Variants in NCALD observed in about 807,000 individuals in gnomAD.
NCALD encodes the protein neurocalcin-delta.
In NCALD, 10 loss-of-function variants were observed where a neutral mutation model predicts 18.6. The ratio of observed to expected loss-of-function variants is 0.54; its 90% CI spans 0.33 to 0.91. The LOEUF is 0.91. NCALD is among the 40% of genes least tolerant of loss of function. NCALD has a pLI of 0.03. For synonymous variants in NCALD, 88 were observed against 87.4 expected (o/e 1.01, Z -0.04); for missense variants, 184 against 247.6 (o/e 0.74, Z 1.72).
intron 4 of NCALD, among the ~76,000 whole-genome samples, chr8:101,814,492 T>C (rs1813421064): frequency 6.6e-6 from 1 of 152,042 alleles, no homozygotes; most frequent in Non-Finnish European, 1.5e-5. Context: ...TGTTCCTAAC[T>C]TGACAAAGAA....
chr8:102,101,393 C>T (rs1825277090), intron 1 of NCALD, among the ~76,000 whole-genome samples: 1 of 152,186 alleles, frequency 6.6e-6, no homozygotes, highest in African/African-American at 2.4e-5. Flanking sequence ...TGTCTGCAGG[C>T]CTCTAGTGGA....
At chr8:101,786,639 T>A (rs1650627342) in intron 1 of NCALD, among the ~76,000 whole-genome samples, 2 of 152,156 alleles carry the variant, frequency 1.3e-5, no homozygotes, top group Non-Finnish European at 2.9e-5. Context: ...CTTAAATTCA[T>A]TAAAGCAAAC....
rs145681941 is a variant in NCALD at position 102,019,243 on chromosome 8, T to TAA, written c.-157+992_-157+993dup. ...TACATACCCACCAGAAGAGCTTAACTAAAAAAACAAAAACAGAAAACACCT... is the reference window on the plus strand; with the variant it reads ...TACATACCCACCAGAAGAGCTTAACTAAAAAAAAACAAAAACAGAAAACACCT... On this transcript the variant is annotated intron_variant, in intron 2 of 6. Coordinates refer to the NCALD transcript ENST00000311028. 1.9e-4 allele frequency among the ~76,000 whole-genome samples: 29 copies of TAA among 152,032 alleles called. No individual in the cohort carries two copies. In the East Asian group the frequency reaches 5.2e-3, roughly 27 times the overall value.
intron 1 of NCALD, among the ~76,000 whole-genome samples, chr8:101,731,319 G>C (rs1816822932): frequency 6.6e-6 from 1 of 152,182 alleles, no homozygotes; most frequent in Admixed American, 6.5e-5. Flanking sequence ...CTGAGCCAGT[G>C]CAGGGTTTTT....
intron 1 of NCALD, among the ~76,000 whole-genome samples, chr8:102,108,673 T>C (rs1370367895): frequency 6.6e-6 from 1 of 152,112 alleles, no homozygotes; most frequent in Non-Finnish European, 1.5e-5. Flanking sequence ...GAAAAGTGTT[T>C]TTTTCACCTT....
chr8:101,714,717 C>CATCATGCTA (rs1554611560), intron 2 of NCALD, among the ~76,000 whole-genome samples: 8 of 151,668 alleles, frequency 5.3e-5, no homozygotes, highest in African/African-American at 1.7e-4. Context: ...AAGCTGGGGG[C>CATCATGCTA]CGGGCACGGT....
At chr8:101,892,688 A>C (rs1414371162) in intron 3 of NCALD, among the ~76,000 whole-genome samples, 2 of 150,580 alleles carry the variant, frequency 1.3e-5, no homozygotes, top group Non-Finnish European at 2.9e-5. Context: ...GAAGCTGAAA[A>C]CCAAGGCTCG....
chr8:101,788,392 T>C (rs1251265997), intron 1 of NCALD, among the ~76,000 whole-genome samples: 1 of 152,232 alleles, frequency 6.6e-6, no homozygotes, highest in African/African-American at 2.4e-5. Context: ...CCTGTGATAT[T>C]GTTGCCAAGA....
In NCALD at chr8:102,075,839, G is replaced by A. The variant is rs143154040; in HGVS notation, c.-210+48398C>T. On this transcript the variant is annotated intron_variant, in intron 1 of 6. Coordinates refer to the NCALD transcript ENST00000311028. The stretch of plus-strand genomic sequence containing the variant: ...ACGGGGGTGAGCACCTGTAATCCCA[G>A]CTACCCAGGAGGCTGAGGCAGAGAA... Among the ~76,000 whole-genome samples the A allele has an allele frequency of 2.3e-3, 352 of 152,058 alleles. 1 individual carries two copies. Among genetic ancestry groups the A allele is most frequent in the Non-Finnish European group, 4.3e-3 (291 of 67,990 alleles).
rs1824192293 is a variant in NCALD at position 102,071,999 on chromosome 8, G to T, written c.-209-51710C>A. Among the ~76,000 whole-genome samples, 3 of 152,160 alleles carry T rather than the reference G, an allele frequency of 2.0e-5. No individual in the cohort carries two copies. In the South Asian group the frequency reaches 6.3e-4, roughly 32 times the overall value. On this transcript the variant is annotated intron_variant, in intron 1 of 6. Coordinates refer to the NCALD transcript ENST00000311028. ...CTGAAAATTATGTGGAAATTTAAAG[G>T]ATCTGAAATAGCCAAGACAACTCTG...
Position 101,688,426 on chromosome 8 carries a change from A to C in NCALD, c.*883T>G. ...GACAGATATGACTTCCAAACAAGAC[A>C]GACATTCATTATAGTTGTCTTACTT... On this transcript the variant is annotated 3_prime_UTR_variant, in exon 4 of 4. Transcript: ENST00000220931. 1 of 278,502 alleles carries C rather than the reference A, an allele frequency of 3.6e-6. No individual in the cohort carries two copies. Among genetic ancestry groups the C allele is most frequent in the Non-Finnish European group, 7.2e-6 (1 of 139,168 alleles). 17.3% of individuals were successfully genotyped at this position (278,502 alleles called of 1,614,324 possible).
chr8:101,885,951 T>C lies in NCALD; in HGVS notation c.-20+1190A>G, dbSNP rs960523118. The stretch of plus-strand genomic sequence containing the variant: ...CTCGGGTTGTGATATCCATAAATAG[T>C]TCAACCAAATTATCTCAAGAAGAAG... On this transcript the variant is annotated intron_variant, in intron 4 of 6. Coordinates refer to the NCALD transcript ENST00000311028. 2.6e-5 allele frequency among the ~76,000 whole-genome samples: 4 copies of C among 152,284 alleles called. No individual in the cohort carries two copies. The East Asian group carries it at 7.7e-4, about 29-fold the overall frequency.
At chr8:101,789,913 T>C (rs552785111) in intron 1 of NCALD, among the ~76,000 whole-genome samples, 41 of 152,152 alleles carry the variant, frequency 2.7e-4, no homozygotes, top group Non-Finnish European at 5.1e-4. Context: ...TTGTAGTAAA[T>C]AGTATTATAG....
chr8:101,987,264 G>A (rs1415514110), intron 2 of NCALD, among the ~76,000 whole-genome samples: 1 of 152,180 alleles, frequency 6.6e-6, no homozygotes, highest in Non-Finnish European at 1.5e-5. Flanking sequence ...ACTAGCAGCA[G>A]TGTTTCAAAG....
At chr8:101,973,620 C>A (rs184400947) in intron 2 of NCALD, among the ~76,000 whole-genome samples, 1 of 152,080 alleles carries the variant, frequency 6.6e-6, no homozygotes. Flanking sequence ...TGGGGTAAAC[C>A]AAGGAGAAGA....
chr8:101,891,536 C>A (rs113873743), intron 3 of NCALD, among the ~76,000 whole-genome samples: 1,655 of 152,308 alleles, frequency 0.011, 29 homozygotes, highest in African/African-American at 0.036. Context: ...GGAACAGCTC[C>A]GGTCTACAGC....
chr8:102,015,147 T>G (rs1431861526), intron 2 of NCALD, among the ~76,000 whole-genome samples: 1 of 152,208 alleles, frequency 6.6e-6, no homozygotes, highest in African/African-American at 2.4e-5. Flanking sequence ...TGTACTCCTC[T>G]TCTGAGAAGC....
chr8:101,835,163 G>A lies in NCALD; in HGVS notation c.-20+51978C>T, dbSNP rs534054173. ...GCAGTGTGCTTGGTTAGGTACCATC[G>A]GATGCTGTAACAAGTAAACCTCAAC... On this transcript the variant is annotated intron_variant, in intron 4 of 6. Transcript: ENST00000311028. 8.2e-4 allele frequency among the ~76,000 whole-genome samples: 125 copies of A among 152,320 alleles called. 2 individuals are homozygous for A. In the South Asian group the frequency reaches 0.022, roughly 27 times the overall value.
intron 2 of NCALD, among the ~76,000 whole-genome samples, chr8:101,921,324 GAATAA>G (rs1268925116): frequency 4.0e-5 from 6 of 150,918 alleles, no homozygotes; most frequent in African/African-American, 1.5e-4. Flanking sequence ...CTTTTATTAG[GAATAA>G]AATATCAATA....
Sources: allele counts gnomAD v4.1 joint callset (sites outside exome capture counted in the v4.1 genomes callset), GRCh38; gene constraint gnomAD v4.1.1; transcripts MANE v1.5; gene names NCBI Gene and HGNC (gene_info 2026-07-23, HGNC 2026-07-21).